Variants in RAPGEF5 observed in about 807,000 individuals in gnomAD.
RAPGEF5 encodes the protein Rap guanine nucleotide exchange factor 5, also known as M-Ras-regulated GEF.
RAPGEF5 carries 65 observed loss-of-function variants against 125.2 expected under a neutral mutation model. The ratio of observed to expected loss-of-function variants is 0.52; its 90% CI spans 0.43 to 0.64. RAPGEF5 has a LOEUF of 0.64. Among genes scored for constraint, RAPGEF5 ranks in the 30% least tolerant of loss-of-function variants. The probability of loss-of-function intolerance (pLI) is 0.00; values close to 1 mark genes in which losing one functional copy is unlikely to be tolerated. For missense variants in RAPGEF5, 958 were observed against 1,048.1 expected (o/e 0.91, Z 1.19); for synonymous variants, 391 against 385.9 (o/e 1.01, Z -0.16).
At chr7:22,129,822 T>C (rs570945901) in intron 24 of RAPGEF5, among the ~76,000 whole-genome samples, 1 of 152,316 alleles carries the variant, frequency 6.6e-6, no homozygotes, top group African/African-American at 2.4e-5. Flanking sequence ...CAAGACTGTA[T>C]TCTATATTCC....
chr7:22,129,323 C>T (rs867896933), intron 24 of RAPGEF5, among the ~76,000 whole-genome samples: 13 of 152,176 alleles, frequency 8.5e-5, no homozygotes, highest in African/African-American at 3.1e-4. Flanking sequence ...TCCCACGGCC[C>T]CTTGGACTAG....
intron 25 of RAPGEF5, among the ~76,000 whole-genome samples, chr7:22,122,862 A>G (rs868261804): frequency 6.6e-6 from 1 of 152,196 alleles, no homozygotes; most frequent in East Asian, 1.9e-4. Flanking sequence ...CCCAGGACAG[A>G]TGGTTCCTGA....
intron 7 of RAPGEF5, among the ~76,000 whole-genome samples, chr7:22,245,394 A>G (rs547706281): frequency 6.6e-6 from 1 of 152,102 alleles, no homozygotes; most frequent in East Asian, 1.9e-4. Context: ...GTCTAGACCA[A>G]TGTTATACAG....
intron 6 of RAPGEF5, among the ~76,000 whole-genome samples, chr7:22,271,965 T>C (rs1387107184): frequency 6.6e-6 from 1 of 152,042 alleles, no homozygotes; most frequent in Non-Finnish European, 1.5e-5. Flanking sequence ...AGTTTCTCCA[T>C]GGGAGAGGTT....
At chr7:22,195,037 A>C (rs977920118) in intron 9 of RAPGEF5, among the ~76,000 whole-genome samples, 5 of 152,224 alleles carry the variant, frequency 3.3e-5, no homozygotes, top group African/African-American at 9.6e-5. Context: ...AAGGAAGAAA[A>C]GTTGACAGTA....
At chr7:22,233,788 TA>T (rs1487019209) in intron 7 of RAPGEF5, among the ~76,000 whole-genome samples, 1 of 152,162 alleles carries the variant, frequency 6.6e-6, no homozygotes, top group Non-Finnish European at 1.5e-5. Flanking sequence ...AAACCTAGGA[TA>T]AAGTGTCAGT....
intron 1 of RAPGEF5, among the ~76,000 whole-genome samples, chr7:22,331,342 T>C (rs1407603815): frequency 6.6e-6 from 1 of 152,200 alleles, no homozygotes; most frequent in African/African-American, 2.4e-5. Flanking sequence ...TTTTCTAAGA[T>C]ATGCCCCTCT....
intron 6 of RAPGEF5, among the ~76,000 whole-genome samples, chr7:22,290,000 C>G (rs1782892758): frequency 6.6e-6 from 1 of 152,228 alleles, no homozygotes; most frequent in South Asian, 2.1e-4. Context: ...AATTAATCCT[C>G]TTTCCTTTAT....
At chr7:22,141,258 C>G (rs1371071197) in intron 20 of RAPGEF5, among the ~76,000 whole-genome samples, 1 of 152,180 alleles carries the variant, frequency 6.6e-6, no homozygotes, top group Non-Finnish European at 1.5e-5. Flanking sequence ...AAACTTTTTA[C>G]TGTATTTGTG....
intron 12 of RAPGEF5, among the ~76,000 whole-genome samples, chr7:22,166,819 C>T (rs769723988): frequency 2.6e-5 from 4 of 152,212 alleles, no homozygotes. Flanking sequence ...TCATGAGGCA[C>T]AGATGTGAAG....
At chr7:22,280,123 G>A (rs1782641719) in intron 6 of RAPGEF5, among the ~76,000 whole-genome samples, 1 of 152,144 alleles carries the variant, frequency 6.6e-6, no homozygotes, top group Non-Finnish European at 1.5e-5. Flanking sequence ...GAAATGACAG[G>A]GCCATGGAAT....
At chr7:22,335,562 G>A (rs1048247281) in intron 1 of RAPGEF5, among the ~76,000 whole-genome samples, 28 of 151,962 alleles carry the variant, frequency 1.8e-4, no homozygotes, top group Admixed American at 1.8e-3. Context: ...GGACAAGGTG[G>A]GGTGGGTGGG....
At chr7:22,164,561 T>C (rs1423405698) in intron 12 of RAPGEF5, among the ~76,000 whole-genome samples, 2 of 152,218 alleles carry the variant, frequency 1.3e-5, no homozygotes, top group East Asian at 1.9e-4. Context: ...ACTTCAACCA[T>C]TCTCCATTCA....
intron 11 of RAPGEF5, among the ~76,000 whole-genome samples, chr7:22,180,343 C>T (rs1043331431): frequency 3.9e-5 from 6 of 152,132 alleles, no homozygotes; most frequent in African/African-American, 1.4e-4. Context: ...TATTTGCCAG[C>T]TTCACTTGCA....
At chr7:22,276,061 C>T (rs1383799887) in intron 6 of RAPGEF5, among the ~76,000 whole-genome samples, 1 of 152,068 alleles carries the variant, frequency 6.6e-6, no homozygotes, top group Non-Finnish European at 1.5e-5. Flanking sequence ...TGCTGATCTA[C>T]CTGAATTTCC....
rs1783146497 is a variant in RAPGEF5, at chr7:22,299,492, GTTTCC to G, written c.681-8256_681-8252del. ...ACATACACTGAAAAGCCCACCAAATGTTTCCTTTCAATAGTCATATATATTTTAAA... is the reference window on the plus strand; with the variant it reads ...ACATACACTGAAAAGCCCACCAAATGTTTCAATAGTCATATATATTTTAAA... On this transcript the variant is annotated intron_variant, in intron 5 of 25. Coordinates refer to ENST00000665637, the MANE Select transcript of RAPGEF5 (RefSeq NM_012294.5). Among the ~76,000 whole-genome samples, 2 of 152,044 alleles carry G rather than the reference GTTTCC, an allele frequency of 1.3e-5. 1 individual carries two copies. Among genetic ancestry groups the G allele is most frequent in the South Asian group, 4.2e-4 (2 of 4,804 alleles).
intron 7 of RAPGEF5, among the ~76,000 whole-genome samples, chr7:22,232,606 C>T (rs1483780203): frequency 6.6e-6 from 1 of 152,208 alleles, no homozygotes; most frequent in African/African-American, 2.4e-5. Context: ...AAGGTGTGAG[C>T]CACCACGCTT....
intron 10 of RAPGEF5, 21 bp downstream of exon 10, chr7:22,193,894 T>A (rs1457800993): frequency 5.0e-6 from 8 of 1,612,844 alleles, no homozygotes; most frequent in Non-Finnish European, 6.8e-6. Flanking sequence ...CGTGCCTCTG[T>A]GGCTGCAGGG....
chr7:22,317,867 G>A, intron 2 of RAPGEF5, 120 bp downstream of exon 2: 4 of 1,333,636 alleles, frequency 3.0e-6, no homozygotes, highest in Non-Finnish European at 4.1e-6. Context: ...GATCACTGCA[G>A]CATCCCTGCA....
Sources: allele counts gnomAD v4.1 joint callset (sites outside exome capture counted in the v4.1 genomes callset), GRCh38; gene constraint gnomAD v4.1.1; transcripts MANE v1.5; gene names NCBI Gene and HGNC (gene_info 2026-07-23, HGNC 2026-07-21).